The following PLXNC1 variants were observed in gnomAD, a reference collection of about 807,000 sequenced individuals.
PLXNC1 encodes plexin-C1.
A neutral mutation model predicts 178.2 loss-of-function variants in PLXNC1; 75 were observed. The observed-to-expected ratio is 0.42, with a 90% CI of 0.35 to 0.51. The LOEUF (loss-of-function observed/expected upper bound fraction) is 0.51. PLXNC1 is among the 20% of genes least tolerant of loss of function. PLXNC1 has a pLI of 0.02. For missense variants in PLXNC1, 1,503 were observed against 1,984.4 expected (o/e 0.76, Z 4.61); for synonymous variants, 790 against 779.9 (o/e 1.01, Z -0.22).
intron 16 of PLXNC1, 65 bp downstream of exon 16, chr12:94,254,953 C>G: frequency 1.5e-6 from 2 of 1,292,678 alleles, no homozygotes; most frequent in African/African-American, 1.5e-5. Flanking sequence ...ATTTTTTTAC[C>G]CTTACATAGA....
intron 24 of PLXNC1, among the ~76,000 whole-genome samples, chr12:94,296,509 A>G (rs771021079): frequency 1.3e-5 from 2 of 151,776 alleles, no homozygotes; most frequent in Non-Finnish European, 1.5e-5. Context: ...TCTTCCCTCC[A>G]TTTACCACTC....
chr12:94,300,534 G>A (rs960971004), intron 27 of PLXNC1, among the ~76,000 whole-genome samples: 1 of 152,148 alleles, frequency 6.6e-6, no homozygotes, highest in African/African-American at 2.4e-5. Context: ...GAGCCTCAGA[G>A]GGTTGGAGCA....
At chr12:94,218,827 TCTAAAGCA>T (rs1963714471) in intron 5 of PLXNC1, among the ~76,000 whole-genome samples, 1 of 152,118 alleles carries the variant, frequency 6.6e-6, no homozygotes, top group African/African-American at 2.4e-5. Context: ...CTTAACTAAT[TCTAAAGCA>T]CATTTCACAG....
chr12:94,252,017 A>AT (rs1491410661), intron 15 of PLXNC1, among the ~76,000 whole-genome samples: 2 of 151,766 alleles, frequency 1.3e-5, no homozygotes, highest in Non-Finnish European at 2.9e-5. Flanking sequence ...AAAAAACAAA[A>AT]TTTTTTTTTA....
chr12:94,255,005 A>G (rs1964801168), intron 16 of PLXNC1, 117 bp downstream of exon 16: 2 of 970,664 alleles, frequency 2.1e-6, no homozygotes, highest in South Asian at 1.5e-5. Flanking sequence ...ATAGAAGGCA[A>G]CGGAAGGGCA....
At chr12:94,174,115 T>C (rs1456271343) in intron 2 of PLXNC1, among the ~76,000 whole-genome samples, 1 of 152,192 alleles carries the variant, frequency 6.6e-6, no homozygotes, top group Non-Finnish European at 1.5e-5. Flanking sequence ...TTGAGGTATT[T>C]CCTATGTGCT....
chr12:94,215,969 A>C (rs751933407), intron 5 of PLXNC1, among the ~76,000 whole-genome samples: 5 of 152,128 alleles, frequency 3.3e-5, no homozygotes, highest in Non-Finnish European at 5.9e-5. Flanking sequence ...TTTTACAAAA[A>C]ATAAGAGTTA....
At chr12:94,191,275 C>T (rs1962713420) in intron 4 of PLXNC1, among the ~76,000 whole-genome samples, 1 of 152,188 alleles carries the variant, frequency 6.6e-6, no homozygotes, top group Admixed American at 6.5e-5. Context: ...ATGAAGCTCC[C>T]AGTACCATTC....
chr12:94,170,588 G>T lies in PLXNC1; in HGVS notation c.1203+1295G>T, dbSNP rs548431990. ...AATACTCATGATCTATGTCATTCTT[G>T]TGGCTCATTCCAAATGTCTTGCCTG... On this transcript the variant is annotated intron_variant, in intron 2 of 30. Coordinates refer to ENST00000258526, the MANE Select transcript of PLXNC1 (RefSeq NM_005761.3). Among the ~76,000 whole-genome samples, 4 of 152,004 alleles carry T rather than the reference G, an allele frequency of 2.6e-5. No homozygotes were observed. The South Asian group carries it at 8.3e-4, about 32-fold the overall frequency.
chr12:94,266,223 T>C (rs1447133403), intron 21 of PLXNC1, among the ~76,000 whole-genome samples: 1 of 152,218 alleles, frequency 6.6e-6, no homozygotes, highest in Non-Finnish European at 1.5e-5. Flanking sequence ...TATGGTTATG[T>C]CCTCTGGTGG....
At chr12:94,184,170 G>T (rs1314719063) in intron 3 of PLXNC1, among the ~76,000 whole-genome samples, 1 of 151,146 alleles carries the variant, frequency 6.6e-6, no homozygotes, top group East Asian at 1.9e-4. Context: ...AGCCTGGAGT[G>T]CAGTGGCGCA....
At chr12:94,218,780 AC>A (rs1963713557) in intron 5 of PLXNC1, among the ~76,000 whole-genome samples, 2 of 152,016 alleles carry the variant, frequency 1.3e-5, no homozygotes, top group Non-Finnish European at 2.9e-5. Context: ...CACTCCCTCC[AC>A]CCAATTTTGA....
At chr12:94,208,715 A>G (rs187326312) in intron 4 of PLXNC1, among the ~76,000 whole-genome samples, 14 of 152,356 alleles carry the variant, frequency 9.2e-5, no homozygotes, top group Admixed American at 6.5e-4. Flanking sequence ...TCAATGGAAT[A>G]TCTGTGGAGT....
intron 2 of PLXNC1, among the ~76,000 whole-genome samples, chr12:94,179,179 C>A (rs1283978971): frequency 6.6e-6 from 1 of 152,184 alleles, no homozygotes; most frequent in Admixed American, 6.5e-5. Flanking sequence ...TCCCTAACTG[C>A]CATCAGGATA....
intron 12 of PLXNC1, among the ~76,000 whole-genome samples, chr12:94,245,536 A>G (rs1049965107): frequency 2.6e-5 from 4 of 152,206 alleles, no homozygotes; most frequent in Non-Finnish European, 5.9e-5. Context: ...AAATTAAAAA[A>G]GTTGACAGCA....
At chr12:94,285,280 A>G (rs1966767772) in intron 23 of PLXNC1, among the ~76,000 whole-genome samples, 1 of 152,154 alleles carries the variant, frequency 6.6e-6, no homozygotes, top group African/African-American at 2.4e-5. Context: ...ACTCTGCCAG[A>G]TTCTCCCCTT....
chr12:94,177,969 C>T (rs1479937558), intron 2 of PLXNC1, among the ~76,000 whole-genome samples: 1 of 152,220 alleles, frequency 6.6e-6, no homozygotes, highest in Non-Finnish European at 1.5e-5. Context: ...GCCATGATCA[C>T]AGCTAATAAA....
intron 4 of PLXNC1, among the ~76,000 whole-genome samples, chr12:94,203,083 T>G (rs1592760646): frequency 6.6e-6 from 1 of 151,356 alleles, no homozygotes; most frequent in Non-Finnish European, 1.5e-5. Flanking sequence ...AGGTGAGAGG[T>G]GGGGGGTAAG....
Position 94,149,883 on chromosome 12 carries a change from C to A in PLXNC1, c.912C>A (p.Asp304Glu). 1 of 1,587,922 alleles carries A rather than the reference C, an allele frequency of 6.3e-7. No individual in the cohort carries two copies. The highest frequency in any genetic ancestry group is 8.6e-7 in the Non-Finnish European group (1 of 1,167,896). Residue 304 changes from aspartate to glutamate, a missense_variant, in exon 1 of 31, where the codon GAC becomes GAA. Transcript: ENST00000258526. ...LLSSSLVEAL[D>E]VWAGVFSAAA... ...CCTCCAGCCTAGTGGAGGCCCTGGA[C>A]GTCTGGGCGGGAGTGTTCAGCGCGG...
Sources: gnomAD v4.1 joint callset for allele counts (sites outside exome capture counted in the v4.1 genomes callset) on GRCh38, gnomAD v4.1.1 for gene constraint, MANE v1.5 for transcripts, NCBI Gene and HGNC (gene_info 2026-07-23, HGNC 2026-07-21) for gene names.